Variants in EBF2 observed in about 807,000 individuals in gnomAD.
EBF2 encodes EBF transcription factor 2.
Under a neutral mutation model 72.8 loss-of-function variants are expected in EBF2, and 21 were observed. The observed-to-expected ratio is 0.29, with a 90% confidence interval of 0.20 to 0.42. The LOEUF (loss-of-function observed/expected upper bound fraction) is 0.42. Among genes scored for constraint, EBF2 ranks in the 10% least tolerant of loss-of-function variants. EBF2 has a pLI of 1.00. For missense variants in EBF2, 637 were observed against 731.2 expected, an observed-to-expected ratio of 0.87 and a Z score of 1.49; for synonymous variants, 299 against 274.2, an observed-to-expected ratio of 1.09 and a Z score of -0.89.
intron 6 of EBF2, among the ~76,000 whole-genome samples, chr8:26,002,852 AGGCGGGCAGGCGGGCAGGCG>A (rs1804755980): frequency 4.4e-5 from 4 of 90,758 alleles, no homozygotes; most frequent in African/African-American, 6.3e-5. Flanking sequence ...GCAGGCAGGC[AGGCGGGCAGGCGGGCAGGCG>A]GGCAGGCGGG....
In EBF2 at chr8:25,963,897, G is replaced by C. The variant is rs982352656; in HGVS notation, c.552-55342C>G. On this transcript the variant is annotated intron_variant, in intron 6 of 15. Transcript: ENST00000520164. ...TTACTTGTAGTACCCTTCTAATGGG[G>C]CTCTAGTTTAGCCTCTTGTGAATTG... Among the ~76,000 whole-genome samples the C allele has an allele frequency of 1.3e-4, 20 of 152,218 alleles. No individual in the cohort carries two copies. The South Asian group carries it at 4.2e-3, about 32-fold the overall frequency.
intron 6 of EBF2, among the ~76,000 whole-genome samples, chr8:26,004,283 G>C (rs1804790496): frequency 6.6e-6 from 1 of 152,124 alleles, no homozygotes; most frequent in Non-Finnish European, 1.5e-5. Flanking sequence ...TGGTAAAATA[G>C]TTGCAAGAAA....
chr8:25,866,478 TATAA>T (rs1342480194), intron 10 of EBF2, among the ~76,000 whole-genome samples: 3 of 142,376 alleles, frequency 2.1e-5, no homozygotes, highest in African/African-American at 7.8e-5. Flanking sequence ...GGATATATAA[TATAA>T]AAATATATAA....
chr8:26,041,890 C>A (rs1805606733), intron 2 of EBF2, among the ~76,000 whole-genome samples: 1 of 152,104 alleles, frequency 6.6e-6, no homozygotes, highest in Non-Finnish European at 1.5e-5. Flanking sequence ...GAGCCGGGAG[C>A]GCTCCTCCAG....
intron 6 of EBF2, among the ~76,000 whole-genome samples, chr8:25,926,725 G>C (rs898940066): frequency 4.6e-5 from 7 of 152,200 alleles, no homozygotes; most frequent in Admixed American, 6.5e-5. Context: ...TTTCCTAAGA[G>C]ATTTTACTAC....
At position 25,911,066 on chromosome 8, in the gene EBF2, G is replaced by GCTCAGGGTCTTGATACAAACCTT. The variant is rs1413950024; in HGVS notation, c.552-2512_552-2511insAAGGTTTGTATCAAGACCCTGAG. Among the ~76,000 whole-genome samples the GCTCAGGGTCTTGATACAAACCTT allele has an allele frequency of 1.3e-4, 20 of 151,986 alleles. No individual in the cohort carries two copies. The East Asian group carries it at 3.9e-3, about 29-fold the overall frequency. On this transcript the variant is annotated intron_variant, in intron 6 of 15. Coordinates refer to ENST00000520164, the MANE Select transcript of EBF2 (RefSeq NM_022659.4). ...GCCCTCCACCCTCTCCATCCACCAT[G>GCTCAGGGTCTTGATACAAACCTT]CTCAGGGTCTTGATACAAAACCTTC...
intron 10 of EBF2, among the ~76,000 whole-genome samples, chr8:25,864,784 T>A (rs1024902226): frequency 2.0e-5 from 3 of 150,736 alleles, no homozygotes; most frequent in African/African-American, 7.4e-5. Context: ...CTTTTAAAAC[T>A]ACATTTTCTC....
At chr8:25,859,307 G>T (rs996066284) in intron 13 of EBF2, among the ~76,000 whole-genome samples, 1 of 152,162 alleles carries the variant, frequency 6.6e-6, no homozygotes, top group East Asian at 1.9e-4. Flanking sequence ...ATCTTTTGGC[G>T]GGGCCTGGAG....
chr8:25,999,305 G>T (rs144160640), intron 6 of EBF2, among the ~76,000 whole-genome samples: 2 of 151,982 alleles, frequency 1.3e-5, no homozygotes, highest in Non-Finnish European at 2.9e-5. Context: ...GATTTGGTTC[G>T]CATTCTGTGG....
intron 6 of EBF2, among the ~76,000 whole-genome samples, chr8:25,925,450 C>T (rs1228852663): frequency 6.6e-6 from 1 of 152,004 alleles, no homozygotes; most frequent in Non-Finnish European, 1.5e-5. Flanking sequence ...GTGAACAGAG[C>T]ACCTGAAACC....
At chr8:26,020,923 T>C (rs1245298621) in intron 6 of EBF2, among the ~76,000 whole-genome samples, 1 of 152,204 alleles carries the variant, frequency 6.6e-6, no homozygotes, top group Non-Finnish European at 1.5e-5. Flanking sequence ...AGTCTGGCTC[T>C]TGTTCAAGCG....
chr8:26,017,490 G>A (rs1805130023), intron 6 of EBF2, among the ~76,000 whole-genome samples: 1 of 152,136 alleles, frequency 6.6e-6, no homozygotes, highest in African/African-American at 2.4e-5. Context: ...GAGGTCTCTG[G>A]GGTCCCAAAA....
intron 6 of EBF2, among the ~76,000 whole-genome samples, chr8:26,008,967 A>C (rs1265274758): frequency 1.3e-5 from 2 of 151,906 alleles, no homozygotes; most frequent in Non-Finnish European, 2.9e-5. Context: ...CAGCATGCTC[A>C]CAAACTGAAA....
At chr8:25,876,765 C>T (rs1186699405) in intron 10 of EBF2, among the ~76,000 whole-genome samples, 1 of 152,132 alleles carries the variant, frequency 6.6e-6, no homozygotes, top group Non-Finnish European at 1.5e-5. Context: ...TTCATCATAC[C>T]TTGGTGACCT....
intron 6 of EBF2, among the ~76,000 whole-genome samples, chr8:25,951,492 T>C (rs1244634471): frequency 6.6e-6 from 1 of 152,182 alleles, no homozygotes; most frequent in African/African-American, 2.4e-5. Flanking sequence ...AATGGCCACC[T>C]GGTATTTTCA....
intron 7 of EBF2, among the ~76,000 whole-genome samples, chr8:25,897,249 G>A (rs1037809255): frequency 6.6e-6 from 1 of 151,718 alleles, no homozygotes. Flanking sequence ...TTTTAATTCT[G>A]TCAAGTTTAA....
intron 6 of EBF2, among the ~76,000 whole-genome samples, chr8:26,031,237 G>C (rs1387582107): frequency 6.6e-6 from 1 of 152,092 alleles, no homozygotes; most frequent in East Asian, 1.9e-4. Flanking sequence ...CCACAGGCCG[G>C]AAAGGACAGG....
At chr8:25,936,013 G>C (rs758519421) in intron 6 of EBF2, among the ~76,000 whole-genome samples, 4 of 152,202 alleles carry the variant, frequency 2.6e-5, no homozygotes, top group Non-Finnish European at 5.9e-5. Flanking sequence ...CGTGTAACCA[G>C]AAACTTCTGC....
At chr8:25,936,354 G>C (rs1352621912) in intron 6 of EBF2, among the ~76,000 whole-genome samples, 1 of 152,180 alleles carries the variant, frequency 6.6e-6, no homozygotes, top group African/African-American at 2.4e-5. Flanking sequence ...GCAGTTCTAA[G>C]GCAAACAGGA....
Sources: allele counts gnomAD v4.1 joint callset (sites outside exome capture counted in the v4.1 genomes callset), GRCh38; gene constraint gnomAD v4.1.1; transcripts MANE v1.5; gene names NCBI Gene and HGNC (gene_info 2026-07-23, HGNC 2026-07-21).